The following SDK1 variants were observed in gnomAD, a reference collection of about 807,000 sequenced individuals.
SDK1 encodes protein sidekick-1.
A neutral mutation model predicts 245.5 loss-of-function variants in SDK1; 157 were observed. The observed-to-expected ratio is 0.64, with a 90% CI of 0.56 to 0.73. The LOEUF (loss-of-function observed/expected upper bound fraction) is 0.73. Among genes scored for constraint, SDK1 ranks in the 30% least tolerant of loss-of-function variants. SDK1 has a pLI of 0.00. For synonymous variants in SDK1, 1,647 were observed against 1,278.5 expected (o/e 1.29, Z -6.15); for missense variants, 3,583 against 3,002.3 (o/e 1.19, Z -4.52).
chr7:3,995,444 C>G (rs542807756), intron 14 of SDK1, among the ~76,000 whole-genome samples: 4 of 151,850 alleles, frequency 2.6e-5, no homozygotes, highest in Non-Finnish European at 4.4e-5. Context: ...CCTCTACTTG[C>G]GTTGTCCCCA....
chr7:3,370,716 T>C (rs1165881591), intron 1 of SDK1, among the ~76,000 whole-genome samples: 2 of 152,248 alleles, frequency 1.3e-5, no homozygotes, highest in Admixed American at 6.5e-5. Context: ...ATATAGCACA[T>C]GTTCTATTCT....
chr7:3,373,494 G>A (rs1451579126), intron 1 of SDK1, among the ~76,000 whole-genome samples: 1 of 152,118 alleles, frequency 6.6e-6, no homozygotes, highest in East Asian at 1.9e-4. Context: ...CTTAGTAAAA[G>A]GATTGAAAGG....
chr7:4,046,932 G>C (rs958035124), intron 17 of SDK1, among the ~76,000 whole-genome samples: 1 of 152,034 alleles, frequency 6.6e-6, no homozygotes, highest in Non-Finnish European at 1.5e-5. Context: ...GGTTTGGGGA[G>C]AATTGACCTC....
intron 4 of SDK1, among the ~76,000 whole-genome samples, chr7:3,772,151 T>C (rs1780422908): frequency 6.6e-6 from 1 of 152,224 alleles, no homozygotes; most frequent in Non-Finnish European, 1.5e-5. Flanking sequence ...GCTATTCTTT[T>C]TCCTATATGT....
chr7:3,480,251 G>A (rs546716090), intron 1 of SDK1, among the ~76,000 whole-genome samples: 1 of 152,190 alleles, frequency 6.6e-6, no homozygotes, highest in Non-Finnish European at 1.5e-5. Context: ...CTGTGAAGAT[G>A]GAAGGGGGCG....
At chr7:3,963,850 G>A (rs1428398758) in intron 9 of SDK1, among the ~76,000 whole-genome samples, 2 of 152,074 alleles carry the variant, frequency 1.3e-5, no homozygotes, top group Admixed American at 6.5e-5. Flanking sequence ...TGTATCCAGT[G>A]GGTACACCTA....
At chr7:3,345,533 G>C (rs1351894812) in intron 1 of SDK1, among the ~76,000 whole-genome samples, 1 of 152,122 alleles carries the variant, frequency 6.6e-6, no homozygotes, top group African/African-American at 2.4e-5. Flanking sequence ...TTAAATGGCA[G>C]AGAAACCCCA....
At position 3,336,776 on chromosome 7, in the gene SDK1, A is replaced by G. The variant is rs1305475104; in HGVS notation, c.298+34892A>G. Among the ~76,000 whole-genome samples, 3 of 152,196 alleles carry G rather than the reference A, an allele frequency of 2.0e-5. No individual in the cohort carries two copies. In the East Asian group the frequency reaches 5.8e-4, roughly 29 times the overall value. ...GCAACAGAAATGGTGAGTTGGAGCC[A>G]CACTTTGGCTGGGAAAGTGTCAGTG... On this transcript the variant is annotated intron_variant, in intron 1 of 44. Coordinates refer to ENST00000404826, the MANE Select transcript of SDK1 (RefSeq NM_152744.4).
intron 1 of SDK1, among the ~76,000 whole-genome samples, chr7:3,410,578 C>CTT (rs776277920): frequency 0.089 from 7,331 of 81,992 alleles, 540 homozygotes; most frequent in African/African-American, 0.21. Flanking sequence ...GAAATGATAT[C>CTT]TTTTTTTTTT....
intron 1 of SDK1, among the ~76,000 whole-genome samples, chr7:3,332,005 C>T (rs1166998385): frequency 6.6e-6 from 1 of 152,044 alleles, no homozygotes; most frequent in Non-Finnish European, 1.5e-5. Context: ...CTTTCTCATG[C>T]CTTATTTTAT....
intron 19 of SDK1, among the ~76,000 whole-genome samples, chr7:4,053,718 G>A (rs1779027641): frequency 6.6e-6 from 1 of 152,060 alleles, no homozygotes; most frequent in South Asian, 2.1e-4. Flanking sequence ...GAGTGACAGG[G>A]GAGGAATAGA....
intron 5 of SDK1, among the ~76,000 whole-genome samples, chr7:3,935,174 G>A (rs1184665576): frequency 6.6e-6 from 1 of 152,152 alleles, no homozygotes; most frequent in Non-Finnish European, 1.5e-5. Flanking sequence ...AGGGACGATG[G>A]GCAGGGCACA....
At chr7:3,565,063 C>T (rs1331290153) in intron 1 of SDK1, among the ~76,000 whole-genome samples, 1 of 151,134 alleles carries the variant, frequency 6.6e-6, no homozygotes, top group African/African-American at 2.4e-5. Context: ...GATCACATGA[C>T]AATCCAGGAG....
rs1377225405 is a variant in SDK1, at chr7:4,074,884, C to CTCTCTCTGTGTGTG, written c.3011-2113_3011-2112insCTCTCTGTGTGTGT. ...TCTCTCTCTCTCTCTCTCTCTCTCT[C>CTCTCTCTGTGTGTG]TGTATATATATATATATATATATAT... On this transcript the variant is annotated intron_variant, in intron 20 of 44. Coordinates refer to ENST00000404826, the MANE Select transcript of SDK1 (RefSeq NM_152744.4). Among the ~76,000 whole-genome samples, 9 of 62,458 alleles carry CTCTCTCTGTGTGTG rather than the reference C, an allele frequency of 1.4e-4. 1 individual carries two copies. Among genetic ancestry groups the CTCTCTCTGTGTGTG allele is most frequent in the African/African-American group, 1.1e-3 (9 of 8,208 alleles). 41.0% of individuals were successfully genotyped at this position (62,458 alleles called of 152,430 possible).
intron 4 of SDK1, among the ~76,000 whole-genome samples, chr7:3,746,889 C>G (rs562094934): frequency 5.9e-4 from 90 of 152,296 alleles, no homozygotes; most frequent in African/African-American, 2.0e-3. Flanking sequence ...CCCGAATGTT[C>G]TTGATGGCAT....
intron 28 of SDK1, among the ~76,000 whole-genome samples, chr7:4,139,033 G>A (rs1236971332): frequency 6.6e-6 from 1 of 152,238 alleles, no homozygotes; most frequent in Non-Finnish European, 1.5e-5. Context: ...AGAGGCAGTG[G>A]GCGCACACTG....
chr7:3,703,388 A>C (rs1307299257), intron 4 of SDK1, among the ~76,000 whole-genome samples: 2 of 152,226 alleles, frequency 1.3e-5, no homozygotes, highest in Non-Finnish European at 2.9e-5. Context: ...GTATGATTAC[A>C]TTTATGTAAC....
chr7:3,487,708 T>C (rs1781742492), intron 1 of SDK1, among the ~76,000 whole-genome samples: 1 of 131,218 alleles, frequency 7.6e-6, no homozygotes, highest in Admixed American at 9.7e-5. Flanking sequence ...TGAGCTGTGA[T>C]CATGCCCCTG....
intron 19 of SDK1, 91 bp downstream of exon 19, chr7:4,051,921 A>C (rs1778879140): frequency 7.9e-7 from 1 of 1,260,868 alleles, no homozygotes; most frequent in Non-Finnish European, 1.1e-6. Context: ...GCAGAGGTGG[A>C]TCACGAGGAG....
Sources: allele counts gnomAD v4.1 joint callset (sites outside exome capture counted in the v4.1 genomes callset), GRCh38; gene constraint gnomAD v4.1.1; transcripts MANE v1.5; gene names NCBI Gene and HGNC (gene_info 2026-07-23, HGNC 2026-07-21).